Variants in ZFHX3 observed in about 807,000 individuals in gnomAD.
ZFHX3 encodes the protein zinc finger homeobox protein 3.
A neutral mutation model predicts 279.1 loss-of-function variants in ZFHX3; 42 were observed. The observed-to-expected ratio is 0.15, with a 90% CI of 0.12 to 0.19. The LOEUF (loss-of-function observed/expected upper bound fraction) is 0.19, where lower values mean the gene tolerates loss of function less well. Ranked by LOEUF, ZFHX3 falls within the 10% of genes least tolerant of loss-of-function variation. ZFHX3 has a pLI of 1.00. For synonymous variants in ZFHX3, 2,293 were observed against 1,957.8 expected (o/e 1.17, Z -4.52); for missense variants, 4,981 against 4,754.0 (o/e 1.05, Z -1.40).
At chr16:72,996,686 G>T (rs1963307359) in intron 1 of ZFHX3, among the ~76,000 whole-genome samples, 1 of 152,262 alleles carries the variant, frequency 6.6e-6, no homozygotes. Flanking sequence ...CCTGCCCTGA[G>T]TGCAATCCAA....
chr16:73,563,500 G>A (rs1323288867), intron 2 of ZFHX3, among the ~76,000 whole-genome samples: 1 of 151,796 alleles, frequency 6.6e-6, no homozygotes, highest in East Asian at 1.9e-4. Context: ...CTCGTGATCC[G>A]CCCGCCTCAG....
chr16:73,319,764 A>C (rs2015535841), intron 3 of ZFHX3, among the ~76,000 whole-genome samples: 1 of 152,180 alleles, frequency 6.6e-6, no homozygotes, highest in African/African-American at 2.4e-5. Flanking sequence ...GAAAAAGCAG[A>C]CTGAATCTTC....
At chr16:72,916,580 G>C (rs1413361381) in intron 3 of ZFHX3, among the ~76,000 whole-genome samples, 1 of 152,158 alleles carries the variant, frequency 6.6e-6, no homozygotes, top group Non-Finnish European at 1.5e-5. Context: ...TGACTAACGA[G>C]GATTATTATA....
chr16:73,798,680 C>A (rs427478), intron 1 of ZFHX3, among the ~76,000 whole-genome samples: 4 of 151,830 alleles, frequency 2.6e-5, no homozygotes, highest in Non-Finnish European at 1.5e-5. Flanking sequence ...TTGTACATCA[C>A]AGATGACAGA....
At chr16:73,461,719 T>A (rs1341353638) in intron 2 of ZFHX3, among the ~76,000 whole-genome samples, 2 of 152,200 alleles carry the variant, frequency 1.3e-5, no homozygotes, top group African/African-American at 4.8e-5. Flanking sequence ...ATTTCTGGGT[T>A]TTCTATTCTT....
chr16:73,649,193 G>GA (rs1192006734), intron 2 of ZFHX3, among the ~76,000 whole-genome samples: 32 of 152,308 alleles, frequency 2.1e-4, no homozygotes, highest in Non-Finnish European at 2.4e-4. Context: ...CAAGTAATGA[G>GA]TTACTGCATA....
At position 72,950,793 on chromosome 16, in the gene ZFHX3, G is replaced by A. The variant is rs557018928; in HGVS notation, c.2892C>T (p.His964=). Residue 964 remains histidine (H), a synonymous_variant, in exon 3 of 10, where the codon CAC becomes CAT. Coordinates refer to ENST00000268489, the MANE Select transcript of ZFHX3 (RefSeq NM_006885.4). ...CCGACAGGCTGCGCTCCACGTTCAT[G>A]TGCAGGCCCAGCATGTCCAGGTTGT... The part of the protein sequence containing the change: ...TTDNLDMLGL[H]MNVERSLSED... The A allele has an allele frequency of 6.8e-6, 11 of 1,614,206 alleles. No individual in the cohort carries two copies. The highest frequency in any genetic ancestry group is 3.3e-5 in the Admixed American group (2 of 60,034).
chr16:73,264,652 G>A (rs968378241), intron 4 of ZFHX3, among the ~76,000 whole-genome samples: 5 of 151,512 alleles, frequency 3.3e-5, no homozygotes, highest in Admixed American at 6.6e-5. Context: ...TTCTTTAGCC[G>A]TGATTTGTGA....
chr16:73,174,766 C>G (rs1327087807), intron 5 of ZFHX3, among the ~76,000 whole-genome samples: 1 of 151,496 alleles, frequency 6.6e-6, no homozygotes, highest in African/African-American at 2.4e-5. Context: ...GCCTATAATC[C>G]TAGCATTCTG....
chr16:73,343,530 G>A (rs2016073095), intron 3 of ZFHX3, among the ~76,000 whole-genome samples: 1 of 152,192 alleles, frequency 6.6e-6, no homozygotes. Flanking sequence ...TTTGAGACCA[G>A]TCTGGGCAAC....
intron 2 of ZFHX3, among the ~76,000 whole-genome samples, chr16:73,675,833 C>A (rs2052949036): frequency 1.3e-5 from 2 of 151,974 alleles, no homozygotes; most frequent in African/African-American, 4.8e-5. Flanking sequence ...CACATATGCA[C>A]ACACACTGAC....
intron 1 of ZFHX3, among the ~76,000 whole-genome samples, chr16:73,807,833 G>A (rs1437904614): frequency 1.3e-5 from 2 of 151,748 alleles, no homozygotes; most frequent in Non-Finnish European, 2.9e-5. Flanking sequence ...GGACTCTAAT[G>A]TCTTTTTTTT....
intron 5 of ZFHX3, among the ~76,000 whole-genome samples, chr16:73,251,914 A>C (rs1356362461): frequency 7.0e-6 from 1 of 143,566 alleles, no homozygotes. Flanking sequence ...CACACACACC[A>C]CACACACACC....
intron 1 of ZFHX3, among the ~76,000 whole-genome samples, chr16:73,037,457 CT>C: frequency 6.6e-6 from 1 of 152,172 alleles, no homozygotes; most frequent in Non-Finnish European, 1.5e-5. Flanking sequence ...CTAGGAAAGT[CT>C]GCTGGGTGTG....
In ZFHX3 at chr16:72,916,182, T is replaced by C. The variant is rs1365255334; in HGVS notation, c.3217-26220A>G. ...TCCTTGACTCTTCACTTCCCCCCCC[T>C]CCTCCGCCTTTCTTTTTCTCAAATA... On this transcript the variant is annotated intron_variant, in intron 3 of 9. Coordinates refer to ENST00000268489, the MANE Select transcript of ZFHX3 (RefSeq NM_006885.4). Among the ~76,000 whole-genome samples the C allele has an allele frequency of 5.3e-5, 8 of 152,098 alleles. No homozygotes were observed. The East Asian group carries it at 1.3e-3, about 26-fold the overall frequency.
At position 73,237,064 on chromosome 16, in the gene ZFHX3, G is replaced by C. The variant is rs1049240244; in HGVS notation, c.-1104+19983C>G. ...TACAACCAGTGATATCGGCGAGACA[G>C]ATAGTCTTTAGCTAACTTTACAGAT... On this transcript the variant is annotated intron_variant, in intron 5 of 17. Transcript: ENST00000641206. 5.9e-5 allele frequency among the ~76,000 whole-genome samples: 9 copies of C among 152,308 alleles called. 1 individual carries two copies. The South Asian group carries it at 1.9e-3, about 32-fold the overall frequency.
At chr16:73,761,412 A>C (rs1462531957) in intron 1 of ZFHX3, among the ~76,000 whole-genome samples, 3 of 152,196 alleles carry the variant, frequency 2.0e-5, no homozygotes, top group Non-Finnish European at 4.4e-5. Context: ...ATACTGCCCA[A>C]AGTAATTTAT....
chr16:73,031,460 G>A (rs1249622511), intron 1 of ZFHX3, among the ~76,000 whole-genome samples: 2 of 152,166 alleles, frequency 1.3e-5, no homozygotes, highest in Non-Finnish European at 2.9e-5. Context: ...AGGGAAAAGC[G>A]ATTTTCCTTG....
At chr16:73,842,872 C>T (rs527811162) in intron 1 of ZFHX3, among the ~76,000 whole-genome samples, 3 of 152,252 alleles carry the variant, frequency 2.0e-5, no homozygotes, top group Admixed American at 6.5e-5. Context: ...TTATGACCCA[C>T]GGAAGGCACC....
Sources: gnomAD v4.1 joint callset for allele counts (sites outside exome capture counted in the v4.1 genomes callset) on GRCh38, gnomAD v4.1.1 for gene constraint, MANE v1.5 for transcripts, NCBI Gene and HGNC (gene_info 2026-07-23, HGNC 2026-07-21) for gene names.